The following MICAL3 variants were observed in gnomAD, a reference collection of about 807,000 sequenced individuals.
MICAL3 encodes microtubule associated monooxygenase, calponin and LIM domain containing 3.
Under a neutral mutation model 207.4 loss-of-function variants are expected in MICAL3, and 62 were observed. The ratio of observed to expected loss-of-function variants is 0.30; its 90% CI spans 0.24 to 0.37. The LOEUF is 0.37. Ranked by LOEUF, MICAL3 falls within the 10% of genes least tolerant of loss-of-function variation. MICAL3 has a pLI of 1.00. For missense variants in MICAL3, 2,368 were observed against 2,635.6 expected, an observed-to-expected ratio of 0.90 and a Z score of 2.22; for synonymous variants, 1,077 against 1,069.3, an observed-to-expected ratio of 1.01 and a Z score of -0.14.
In MICAL3 at chr22:17,826,410, A is replaced by G. The variant is rs987889447; in HGVS notation, c.3193+1234T>C. 15 of 968,042 alleles carry G rather than the reference A, an allele frequency of 1.5e-5. No homozygotes were observed. In the African/African-American group the frequency reaches 2.6e-4, roughly 17 times the overall value. The allele number at this position is 968,042 out of a possible 1,614,324, so 60.0% of individuals were successfully genotyped here. ...AAGGTACCAGCAGAGCCGCCTAGAG[A>G]GAGGTTACGGTGAGTGGGGAGAGAG... On this transcript the variant is annotated intron_variant, in intron 22 of 31. Coordinates refer to ENST00000441493, the MANE Select transcript of MICAL3 (RefSeq NM_015241.3).
At chr22:17,897,354 C>G (rs999738657) in intron 7 of MICAL3, among the ~76,000 whole-genome samples, 1 of 130,976 alleles carries the variant, frequency 7.6e-6, no homozygotes, top group Non-Finnish European at 1.5e-5. Context: ...GCCCAGGAAG[C>G]GGAGGTTGCA....
chr22:17,877,252 G>A (rs796397277), intron 16 of MICAL3, among the ~76,000 whole-genome samples: 4 of 18,330 alleles, frequency 2.2e-4, no homozygotes, highest in Non-Finnish European at 3.7e-4. Context: ...AGGGAGGTTA[G>A]GGAGGTTAGG....
At chr22:17,904,587 G>C in intron 3 of MICAL3, 45 bp downstream of exon 3, 1 of 1,424,566 alleles carries the variant, frequency 7.0e-7, no homozygotes, top group Non-Finnish European at 9.9e-7. Context: ...GAACAAGCGT[G>C]CAAGGGGTAG....
At chr22:17,856,895 A>C (rs1383435841) in intron 19 of MICAL3, among the ~76,000 whole-genome samples, 1 of 152,142 alleles carries the variant, frequency 6.6e-6, no homozygotes, top group African/African-American at 2.4e-5. Flanking sequence ...TGCTGGGATT[A>C]CAGGCGTGAG....
intron 15 of MICAL3, 79 bp downstream of exon 15, chr22:17,887,091 C>T (rs1219491534): frequency 2.0e-6 from 2 of 995,834 alleles, no homozygotes; most frequent in Non-Finnish European, 3.1e-6. Context: ...CCTAGCAATA[C>T]CAATGTGGAA....
chr22:17,965,771 T>C (rs1320942848), intron 1 of MICAL3, among the ~76,000 whole-genome samples: 2 of 152,204 alleles, frequency 1.3e-5, no homozygotes, highest in African/African-American at 4.8e-5. Flanking sequence ...TAAGTAGTTA[T>C]AATTATCTGC....
chr22:17,793,486 C>G lies in MICAL3; in HGVS notation c.5651-2185G>C, dbSNP rs567562341. ...CACGAAGGGCCAGCCAATGCTGCAGCCCTGAAGGACCCAGACCTGGAGGCT... is the reference window on the plus strand; with the variant it reads ...CACGAAGGGCCAGCCAATGCTGCAGGCCTGAAGGACCCAGACCTGGAGGCT... On this transcript the variant is annotated intron_variant, in intron 29 of 31. Coordinates refer to ENST00000441493, the MANE Select transcript of MICAL3 (RefSeq NM_015241.3). This position sits in a 1 kb window ranked among gnomAD's most constrained non-coding sequence, Gnocchi z 4.1. 6.6e-6 allele frequency among the ~76,000 whole-genome samples: 1 copy of G among 152,294 alleles called. No homozygotes were observed. The highest frequency in any genetic ancestry group is 2.1e-4 in the South Asian group (1 of 4,834).
At chr22:17,893,949 A>C in intron 10 of MICAL3, 45 bp from the exon 11 acceptor site, 23 of 1,408,646 alleles carry the variant, frequency 1.6e-5, no homozygotes, top group Non-Finnish European at 2.2e-5. Flanking sequence ...ATCAAATATC[A>C]AGTAACAAAT....
chr22:17,905,743 G>A (rs566998141), intron 2 of MICAL3, among the ~76,000 whole-genome samples: 2 of 152,186 alleles, frequency 1.3e-5, no homozygotes, highest in South Asian at 2.1e-4. Context: ...TTCTTCTAAG[G>A]AGGGAAGCAG....
At chr22:17,868,905 G>A (rs1477310870) in intron 17 of MICAL3, among the ~76,000 whole-genome samples, 1 of 152,066 alleles carries the variant, frequency 6.6e-6, no homozygotes, top group Non-Finnish European at 1.5e-5. Context: ...CAGACGCATG[G>A]ATGAGACAGT....
At chr22:17,846,396 T>TTA (rs66970105) in intron 19 of MICAL3, among the ~76,000 whole-genome samples, 17 of 149,704 alleles carry the variant, frequency 1.1e-4, no homozygotes, top group South Asian at 8.5e-4. Context: ...CATGGGAAAT[T>TTA]AAAAAAAAAA....
chr22:17,884,754 C>G lies in MICAL3; in HGVS notation c.2241+1124G>C, dbSNP rs1247889380. On this transcript the variant is annotated intron_variant, in intron 16 of 31. Coordinates refer to ENST00000441493, the MANE Select transcript of MICAL3 (RefSeq NM_015241.3). The stretch of plus-strand genomic sequence containing the variant: ...TTCCAGCCTTCCCAAGGTAGGGGCA[C>G]CTGGGGCTGCCAGAGCCTCCAGACA... Among the ~76,000 whole-genome samples, 5 of 152,308 alleles carry G rather than the reference C, an allele frequency of 3.3e-5. No individual in the cohort carries two copies. The East Asian group carries it at 9.6e-4, about 29-fold the overall frequency.
At position 17,902,595 on chromosome 22, in the gene MICAL3, C is replaced by A. The variant is rs1436418939; in HGVS notation, c.589+36G>T. ...CTCATCTTCCTCACCCATCAACACCCTCTCACGCCTTCTTCACTCCTCCAG... is the reference window on the plus strand; with the variant it reads ...CTCATCTTCCTCACCCATCAACACCATCTCACGCCTTCTTCACTCCTCCAG... On this transcript the variant is annotated intron_variant, in intron 4 of 31. Transcript: ENST00000441493. This position sits in a 1 kb window ranked among gnomAD's most constrained non-coding sequence, Gnocchi z 4.5. 2.3e-6 allele frequency: 3 copies of A among 1,282,598 alleles called. No individual in the cohort carries two copies. Among genetic ancestry groups the A allele is most frequent in the South Asian group, 2.5e-5 (2 of 78,470 alleles). The allele number at this position is 1,282,598 out of a possible 1,614,324, so 79.5% of individuals were successfully genotyped here.
intron 1 of MICAL3, among the ~76,000 whole-genome samples, chr22:17,936,369 G>A (rs996438177): frequency 5.9e-5 from 9 of 152,120 alleles, no homozygotes; most frequent in African/African-American, 2.2e-4. Context: ...GGTGGGAACT[G>A]AACAATGAGA....
intron 15 of MICAL3, among the ~76,000 whole-genome samples, 182 bp downstream of exon 15, chr22:17,886,988 C>CAAAAAAAAAAAAAAAAAAAAAAAAAAAAA (rs55999508): frequency 7.3e-5 from 3 of 41,348 alleles, no homozygotes; most frequent in South Asian, 1.3e-3. Flanking sequence ...ACTCTTGTCT[C>CAAAAAAAAAAAAAAAAAAAAAAAAAAAAA]AAAAAAAAAA....
At chr22:17,810,472 A>G (rs1198248428) in intron 28 of MICAL3, among the ~76,000 whole-genome samples, 1 of 152,168 alleles carries the variant, frequency 6.6e-6, no homozygotes, top group Non-Finnish European at 1.5e-5. Flanking sequence ...TGCTGGGATT[A>G]CAGGCATTGA....
intron 1 of MICAL3, among the ~76,000 whole-genome samples, chr22:17,995,491 ATTT>A (rs138357470): frequency 0.037 from 2,837 of 77,480 alleles, 70 homozygotes; most frequent in African/African-American, 0.081. Context: ...CTTTTCTTTA[ATTT>A]TTTTTTTTTT....
chr22:17,962,007 G>C (rs907744319), intron 1 of MICAL3, among the ~76,000 whole-genome samples: 2 of 152,142 alleles, frequency 1.3e-5, no homozygotes, highest in African/African-American at 4.8e-5. Context: ...ACAGACTATA[G>C]GACTTACAGA....
intron 19 of MICAL3, among the ~76,000 whole-genome samples, chr22:17,856,231 A>C (rs1356795384): frequency 6.6e-6 from 1 of 152,244 alleles, no homozygotes; most frequent in East Asian, 1.9e-4. Context: ...AAACAGCAGG[A>C]GTGACGGCAC....
Sources: allele counts gnomAD v4.1 joint callset (sites outside exome capture counted in the v4.1 genomes callset), GRCh38; gene constraint gnomAD v4.1.1; non-coding constraint Gnocchi (gnomAD v3.1); transcripts MANE v1.5; gene names NCBI Gene and HGNC (gene_info 2026-07-23, HGNC 2026-07-21).